PTPRJ: variants seen among roughly 807,000 people sequenced by gnomAD.
PTPRJ encodes the protein receptor-type tyrosine-protein phosphatase eta.
Under a neutral mutation model 141.3 loss-of-function variants are expected in PTPRJ, and 129 were observed. The ratio of observed to expected loss-of-function variants is 0.91; its 90% confidence interval spans 0.79 to 1.06. PTPRJ has a LOEUF of 1.06. Ranked by LOEUF, PTPRJ falls within the 50% of genes least tolerant of loss-of-function variation. The pLI is 0.00. For synonymous variants in PTPRJ, 610 were observed against 640.5 expected, an observed-to-expected ratio of 0.95 and a Z score of 0.72; for missense variants, 1,601 against 1,679.7, an observed-to-expected ratio of 0.95 and a Z score of 0.82.
chr11:48,122,355 G>A (rs1050477647), intron 4 of PTPRJ, among the ~76,000 whole-genome samples: 6 of 152,184 alleles, frequency 3.9e-5, no homozygotes, highest in Admixed American at 2.0e-4. Context: ...AAGGGGATGC[G>A]GAGGTGCAGG....
rs928349510 is a variant in PTPRJ at position 48,054,744 on chromosome 11, G to A, written c.97-55314G>A. 2.5e-4 allele frequency among the ~76,000 whole-genome samples: 38 copies of A among 152,006 alleles called. 1 individual carries two copies. The highest frequency in any genetic ancestry group is 2.1e-3 in the Admixed American group (32 of 15,264). On this transcript the variant is annotated intron_variant, in intron 1 of 24. Transcript: ENST00000418331. ...GTAGGTTTTAATTCTGTCCTACCAC[G>A]GAGTCTGTTTTATATGAGAACAAGT...
chr11:48,150,134 T>TC lies in PTPRJ; in HGVS notation c.3090dup (p.Lys1031GlnfsTer6). 1 of 1,614,160 alleles carries TC rather than the reference T, an allele frequency of 6.2e-7. No homozygotes were observed. Among genetic ancestry groups the TC allele is most frequent in the Non-Finnish European group, 8.5e-7 (1 of 1,180,008 alleles). On this transcript the variant is annotated frameshift_variant, in exon 18 of 25. Coordinates refer to ENST00000418331, the MANE Select transcript of PTPRJ (RefSeq NM_002843.4). LOFTEE classifies it high-confidence loss of function. ...AGAGTGGAGAATTTTGAGGCCTACT[T>TC]CAAGAAGCAGCAAGCTGACTCCAAC...
chr11:48,045,866 C>T (rs1854381057), intron 1 of PTPRJ, among the ~76,000 whole-genome samples: 1 of 152,100 alleles, frequency 6.6e-6, no homozygotes, highest in Admixed American at 6.6e-5. Context: ...GAGTGGAGGA[C>T]AAAATGAAAA....
At chr11:48,036,491 C>T (rs1301656308) in intron 1 of PTPRJ, among the ~76,000 whole-genome samples, 5 of 152,078 alleles carry the variant, frequency 3.3e-5, no homozygotes, top group East Asian at 1.9e-4. Context: ...TTCAATGTTA[C>T]GTGGGTTGTA....
intron 1 of PTPRJ, among the ~76,000 whole-genome samples, chr11:48,060,270 G>C (rs1854882451): frequency 6.6e-6 from 1 of 152,122 alleles, no homozygotes; most frequent in Admixed American, 6.5e-5. Flanking sequence ...TTTATTTTTT[G>C]AAAAATGTTT....
intron 22 of PTPRJ, among the ~76,000 whole-genome samples, chr11:48,161,101 C>T (rs886301449): frequency 1.4e-5 from 2 of 140,080 alleles, no homozygotes; most frequent in African/African-American, 5.4e-5. Context: ...TGGCTTGAGC[C>T]CAGGAGGTCG....
At chr11:48,027,055 A>T (rs556672909) in intron 1 of PTPRJ, among the ~76,000 whole-genome samples, 9 of 118,658 alleles carry the variant, frequency 7.6e-5, no homozygotes, top group Admixed American at 7.6e-4. Context: ...CCCAGGCTGG[A>T]TTGCAGTGGC....
intron 3 of PTPRJ, among the ~76,000 whole-genome samples, chr11:48,115,520 C>T (rs1051438238): frequency 1.3e-5 from 2 of 152,130 alleles, no homozygotes; most frequent in African/African-American, 2.4e-5. Context: ...GGGAGTTCAT[C>T]ACCACTAGAC....
chr11:48,129,392 G>C (rs961643825), intron 7 of PTPRJ, among the ~76,000 whole-genome samples: 12 of 152,152 alleles, frequency 7.9e-5, no homozygotes, highest in Non-Finnish European at 1.3e-4. Flanking sequence ...TCCTTAGTCT[G>C]CGTGTGCCTA....
chr11:48,093,194 A>G (rs1855915290), intron 1 of PTPRJ, among the ~76,000 whole-genome samples: 1 of 152,138 alleles, frequency 6.6e-6, no homozygotes, highest in Non-Finnish European at 1.5e-5. Flanking sequence ...CTTTTCATTC[A>G]CATTTTGTCC....
chr11:48,070,968 T>G (rs996124373), intron 1 of PTPRJ, among the ~76,000 whole-genome samples: 4 of 152,194 alleles, frequency 2.6e-5, no homozygotes, highest in Non-Finnish European at 5.9e-5. Flanking sequence ...AGTTGATAAT[T>G]TAGTGCTGTA....
At chr11:48,136,881 G>C (rs1294835528) in intron 9 of PTPRJ, 122 bp from the exon 10 acceptor site, 1 of 991,650 alleles carries the variant, frequency 1.0e-6, no homozygotes, top group African/African-American at 1.6e-5. Context: ...TTTTGAGCCA[G>C]CAAATACTAG....
At chr11:48,085,533 C>T (rs540892515) in intron 1 of PTPRJ, among the ~76,000 whole-genome samples, 2 of 151,948 alleles carry the variant, frequency 1.3e-5, no homozygotes, top group African/African-American at 4.8e-5. Context: ...TTAGTAGAGA[C>T]GGGGTTTCAC....
intron 1 of PTPRJ, among the ~76,000 whole-genome samples, chr11:48,055,366 C>T (rs2134253135): frequency 6.6e-6 from 1 of 152,294 alleles, no homozygotes; most frequent in South Asian, 2.1e-4. Context: ...ACTTTTGATG[C>T]AACAGTAATC....
intron 1 of PTPRJ, among the ~76,000 whole-genome samples, chr11:48,073,234 C>T (rs753282684): frequency 2.1e-4 from 32 of 152,160 alleles, no homozygotes; most frequent in Non-Finnish European, 3.7e-4. Context: ...CTGTTCCCTG[C>T]GGGCCTTGGC....
intron 2 of PTPRJ, 22 bp from the exon 3 acceptor site, chr11:48,112,725 A>G: frequency 6.5e-7 from 1 of 1,538,148 alleles, no homozygotes; most frequent in Non-Finnish European, 9.0e-7. Flanking sequence ...TTTTAATCTA[A>G]TTGTTTACTT....
intron 1 of PTPRJ, among the ~76,000 whole-genome samples, chr11:48,072,064 C>G (rs1590466947): frequency 6.6e-6 from 1 of 152,026 alleles, no homozygotes; most frequent in Non-Finnish European, 1.5e-5. Context: ...TGCCATCATG[C>G]CTGGCTAATT....
At chr11:48,065,357 G>A (rs1024769856) in intron 1 of PTPRJ, among the ~76,000 whole-genome samples, 3 of 152,058 alleles carry the variant, frequency 2.0e-5, no homozygotes, top group Non-Finnish European at 2.9e-5. Flanking sequence ...AGCCCGCTCA[G>A]TGTGTGTCAT....
chr11:48,030,057 G>A (rs538703169), intron 1 of PTPRJ, among the ~76,000 whole-genome samples: 3 of 152,182 alleles, frequency 2.0e-5, no homozygotes, highest in Admixed American at 2.0e-4. Context: ...GATAGAGATA[G>A]TATAAGAAAT....
Sources: gnomAD v4.1 joint callset for allele counts (sites outside exome capture counted in the v4.1 genomes callset) on GRCh38, gnomAD v4.1.1 for gene constraint, MANE v1.5 for transcripts, NCBI Gene and HGNC (gene_info 2026-07-23, HGNC 2026-07-21) for gene names.